VPS13D: variants seen among roughly 807,000 people sequenced by gnomAD.
VPS13D encodes the protein intermembrane lipid transfer protein VPS13D.
A neutral mutation model predicts 461.9 loss-of-function variants in VPS13D; 187 were observed. The ratio of observed to expected loss-of-function variants is 0.40; its 90% CI spans 0.36 to 0.46. VPS13D has a LOEUF of 0.46. Among genes scored for constraint, VPS13D ranks in the 20% least tolerant of loss-of-function variants. The pLI is 0.60. For synonymous variants in VPS13D, 1,951 were observed against 1,986.3 expected (o/e 0.98, Z 0.47); for missense variants, 4,711 against 5,364.9 (o/e 0.88, Z 3.81).
rs1461665209 is a variant in VPS13D, at chr1:12,342,980, T to A, written c.8814T>A (p.Ser2938Arg). ...TTCTCGATGATACTCACAATGTTAG[T>A]GAATGGCGAGAAGTCCTTACAGGTG... ...GTFLDDTHNVSEWREVLTGEE... is the reference protein window; with the variant it reads ...GTFLDDTHNVREWREVLTGEE... Residue 2938 changes from serine to arginine, a missense_variant, in exon 42 of 70, where the codon AGT becomes AGA. Around this residue, in one of 3 missense-constraint regions of VPS13D, gnomAD observed 4,411 missense variants for 4,937.8 expected, o/e 0.89. Coordinates refer to ENST00000620676, the MANE Select transcript of VPS13D (RefSeq NM_015378.4). 1 of 1,613,946 alleles carries A rather than the reference T, an allele frequency of 6.2e-7. No individual in the cohort carries two copies. Among genetic ancestry groups the A allele is most frequent in the East Asian group, 2.2e-5 (1 of 44,876 alleles).
intron 47 of VPS13D, among the ~76,000 whole-genome samples, chr1:12,354,802 T>C (rs111890297): frequency 0.026 from 3,971 of 152,290 alleles, 68 homozygotes; most frequent in South Asian, 0.058. Context: ...GTAATCCTTA[T>C]AGAAATAGTT....
intron 5 of VPS13D, among the ~76,000 whole-genome samples, chr1:12,248,468 G>C (rs1048885447): frequency 6.6e-6 from 1 of 151,982 alleles, no homozygotes; most frequent in African/African-American, 2.4e-5. Context: ...TCAGCCTCCT[G>C]AGTAGCTGAG....
chr1:12,508,144 T>A (rs1646137460), intron 69 of VPS13D, among the ~76,000 whole-genome samples: 1 of 152,198 alleles, frequency 6.6e-6, no homozygotes, highest in Non-Finnish European at 1.5e-5. Context: ...TGAGTATTTC[T>A]CCAGATCCCT....
chr1:12,422,807 CAG>C lies in VPS13D; in HGVS notation c.12333+5981_12333+5982del, dbSNP rs569837687. 3.5e-3 allele frequency among the ~76,000 whole-genome samples: 522 copies of C among 150,190 alleles called. 6 individuals carry two copies. The highest frequency in any genetic ancestry group is 8.0e-3 in the East Asian group (41 of 5,124). ...TTCAAGGTCACACAGCTAGAGGTGA[CAG>C]GGGTGGATCTGAATCCAAGTCCAGC... On this transcript the variant is annotated intron_variant, in intron 65 of 69. Coordinates refer to ENST00000620676, the MANE Select transcript of VPS13D (RefSeq NM_015378.4).
chr1:12,355,744 A>C (rs972620055), intron 47 of VPS13D, among the ~76,000 whole-genome samples, 155 bp from the exon 48 acceptor site: 1 of 151,986 alleles, frequency 6.6e-6, no homozygotes, highest in Non-Finnish European at 1.5e-5. Context: ...ATTGATCCCT[A>C]CCCTAGCTAG....
chr1:12,494,359 G>C (rs550230887), intron 67 of VPS13D, among the ~76,000 whole-genome samples: 12 of 152,300 alleles, frequency 7.9e-5, no homozygotes, highest in African/African-American at 2.9e-4. Flanking sequence ...ATTGGGAGTG[G>C]GGGTGAGGTT....
chr1:12,256,586 C>T, intron 8 of VPS13D, 83 bp downstream of exon 8: 1 of 1,485,378 alleles, frequency 6.7e-7, no homozygotes, highest in Non-Finnish European at 9.1e-7. Context: ...GTATCCTCAG[C>T]AGGAAAGAAA....
chr1:12,425,531 C>T (rs1214058737), intron 65 of VPS13D, among the ~76,000 whole-genome samples: 1 of 151,326 alleles, frequency 6.6e-6, no homozygotes, highest in Non-Finnish European at 1.5e-5. Flanking sequence ...TGCACTCCAG[C>T]CTGGGTGACA....
At chr1:12,381,922 T>TTTC (rs1553185972) in intron 57 of VPS13D, among the ~76,000 whole-genome samples, 95 of 101,218 alleles carry the variant, frequency 9.4e-4, no homozygotes, top group Admixed American at 6.6e-3. Context: ...CTTTCTTTTC[T>TTTC]TTTCTTTCTT....
At chr1:12,409,810 G>C (rs1314843711) in intron 63 of VPS13D, 1 of 454,540 alleles carries the variant, frequency 2.2e-6, no homozygotes, top group African/African-American at 2.0e-5. Flanking sequence ...GGGTTGGGGA[G>C]TGTCCATGTG....
chr1:12,464,972 G>A (rs1380484643), intron 67 of VPS13D: 1 of 152,248 alleles, frequency 6.6e-6, no homozygotes, highest in Non-Finnish European at 1.5e-5. Flanking sequence ...TGCCACTGAA[G>A]CTATGTGAAG....
At chr1:12,323,142 T>C (rs1322852007) in intron 34 of VPS13D, among the ~76,000 whole-genome samples, 1 of 152,206 alleles carries the variant, frequency 6.6e-6, no homozygotes, top group Non-Finnish European at 1.5e-5. Context: ...TGATCATAGC[T>C]TATTGCAGCC....
At chr1:12,458,080 T>C (rs1293797920) in intron 66 of VPS13D, among the ~76,000 whole-genome samples, 1 of 152,182 alleles carries the variant, frequency 6.6e-6, no homozygotes, top group Non-Finnish European at 1.5e-5. Flanking sequence ...GCATGATTGG[T>C]TCAAAGTTGC....
At chr1:12,312,559 A>G (rs1240177425) in intron 29 of VPS13D, among the ~76,000 whole-genome samples, 2 of 152,142 alleles carry the variant, frequency 1.3e-5, no homozygotes, top group Admixed American at 1.3e-4. Flanking sequence ...GGAATTCCAG[A>G]CTGGCCTGGG....
chr1:12,341,946 C>T, intron 41 of VPS13D, 61 bp downstream of exon 41: 1 of 1,523,722 alleles, frequency 6.6e-7, no homozygotes. Flanking sequence ...CTTGTGCCAG[C>T]CCAGTAGAGC....
chr1:12,245,601 G>T (rs1353829489), intron 5 of VPS13D, among the ~76,000 whole-genome samples: 1 of 152,128 alleles, frequency 6.6e-6, no homozygotes, highest in Non-Finnish European at 1.5e-5. Context: ...GCATGTACCT[G>T]TAATCCCAGC....
In VPS13D at chr1:12,314,166, C is replaced by G. The variant is rs1250482485; in HGVS notation, c.6987C>G (p.Thr2329=). The part of the protein sequence containing the change: ...KLLYESFSNQ[T]KSINLVSHSM... ...TCTATGAAAGTTTTTCCAACCAAAC[C>G]AAGTCCATTAACTTGGTTTCCCATT... The change falls in exon 30 of 70, where the codon ACC becomes ACG. Residue 2329 remains threonine, a synonymous_variant. Transcript: ENST00000620676. 3 of 1,614,132 alleles carry G rather than the reference C, an allele frequency of 1.9e-6. No homozygotes were observed. Among genetic ancestry groups the G allele is most frequent in the Non-Finnish European group, 2.5e-6 (3 of 1,180,016 alleles).
At chr1:12,317,920 T>C (rs1569890841) in intron 30 of VPS13D, 152 bp from the exon 31 acceptor site, 1 of 671,358 alleles carries the variant, frequency 1.5e-6, no homozygotes, top group East Asian at 2.6e-5. Context: ...AATGTGTTAT[T>C]CAACCAGTGT....
chr1:12,267,125 C>A, intron 14 of VPS13D, 114 bp downstream of exon 14: 2 of 1,191,850 alleles, frequency 1.7e-6, no homozygotes, highest in South Asian at 2.5e-5. Context: ...GACTGATGGG[C>A]TGGGATTAGA....
Sources: gnomAD v4.1 joint callset for allele counts (sites outside exome capture counted in the v4.1 genomes callset) on GRCh38, gnomAD v4.1.1 for gene constraint, gnomAD v4.1.1 regional missense constraint, MANE v1.5 for transcripts, NCBI Gene and HGNC (gene_info 2026-07-23, HGNC 2026-07-21) for gene names.